AK5: variants seen among roughly 807,000 people sequenced by gnomAD.
The protein encoded by AK5 is adenylate kinase isoenzyme 5.
AK5 carries 27 observed loss-of-function variants against 69.5 expected under a neutral mutation model. The ratio of observed to expected loss-of-function variants is 0.39; its 90% CI spans 0.29 to 0.54. The LOEUF is 0.54. AK5 is among the 20% of genes least tolerant of loss of function. The pLI, the probability that AK5 is intolerant of heterozygous loss-of-function variation, is 0.71. For missense variants in AK5, 531 were observed against 700.4 expected (o/e 0.76, Z 2.73); for synonymous variants, 260 against 244.4 (o/e 1.06, Z -0.60).
intron 6 of AK5, among the ~76,000 whole-genome samples, chr1:77,403,777 C>T (rs568855489): frequency 1.3e-3 from 203 of 152,144 alleles, no homozygotes; most frequent in Non-Finnish European, 2.4e-3. Flanking sequence ...CTTGGCAATG[C>T]GGGCTCTTTT....
intron 6 of AK5, among the ~76,000 whole-genome samples, chr1:77,373,494 A>G (rs937672172): frequency 3.3e-5 from 5 of 152,150 alleles, no homozygotes; most frequent in Non-Finnish European, 7.4e-5. Context: ...TGGAAGGCCG[A>G]GGCGGGTGGA....
chr1:77,409,499 C>CT (rs1270353984), intron 6 of AK5, among the ~76,000 whole-genome samples: 3 of 151,892 alleles, frequency 2.0e-5, no homozygotes, highest in Non-Finnish European at 4.4e-5. Flanking sequence ...TGATATTGAG[C>CT]TTTTTTTTCA....
chr1:77,395,554 A>T (rs761617785), intron 6 of AK5, among the ~76,000 whole-genome samples: 97 of 152,340 alleles, frequency 6.4e-4, no homozygotes, highest in Middle Eastern at 6.8e-3. Context: ...AGAGAAGCAG[A>T]TGTGGCTTGA....
At chr1:77,463,175 A>G (rs1238949692) in intron 8 of AK5, among the ~76,000 whole-genome samples, 2 of 152,050 alleles carry the variant, frequency 1.3e-5, no homozygotes, top group African/African-American at 4.8e-5. Flanking sequence ...AAGCACCCCA[A>G]CTCCTCCCTG....
intron 5 of AK5, among the ~76,000 whole-genome samples, chr1:77,313,390 T>C (rs1258613766): frequency 6.6e-6 from 1 of 152,132 alleles, no homozygotes; most frequent in Non-Finnish European, 1.5e-5. Flanking sequence ...AGGCTGAATG[T>C]GGGCTGCAGA....
chr1:77,355,868 TACACACACACAC>T (rs66682700), intron 6 of AK5, among the ~76,000 whole-genome samples: 336 of 146,248 alleles, frequency 2.3e-3, no homozygotes, highest in South Asian at 5.0e-3. Flanking sequence ...CCTCATTAAA[TACACACACACAC>T]ACACACACAC....
chr1:77,362,643 G>A (rs1646885475), intron 6 of AK5, among the ~76,000 whole-genome samples: 1 of 152,128 alleles, frequency 6.6e-6, no homozygotes, highest in South Asian at 2.1e-4. Context: ...AGGACATGAA[G>A]CATGAATGCA....
At chr1:77,547,592 T>C (rs928863744) in intron 13 of AK5, among the ~76,000 whole-genome samples, 4 of 152,156 alleles carry the variant, frequency 2.6e-5, no homozygotes, top group African/African-American at 9.7e-5. Flanking sequence ...TAATGAAATA[T>C]TTTTACATTT....
chr1:77,464,948 A>T (rs1654050533), intron 8 of AK5, among the ~76,000 whole-genome samples: 1 of 152,234 alleles, frequency 6.6e-6, no homozygotes, highest in African/African-American at 2.4e-5. Flanking sequence ...TTCCAGAATT[A>T]AATTCTGATG....
chr1:77,353,352 C>A (rs1662317908), intron 6 of AK5, among the ~76,000 whole-genome samples: 1 of 152,042 alleles, frequency 6.6e-6, no homozygotes, highest in African/African-American at 2.4e-5. Flanking sequence ...GTGTTCCATG[C>A]CTGTAATCCC....
At chr1:77,412,687 A>G (rs143308136) in intron 7 of AK5, among the ~76,000 whole-genome samples, 1 of 152,214 alleles carries the variant, frequency 6.6e-6, no homozygotes, top group African/African-American at 2.4e-5. Flanking sequence ...CCTCTGCTCT[A>G]TGAATTGTCA....
chr1:77,466,286 C>CCACT (rs889259577), intron 8 of AK5, among the ~76,000 whole-genome samples: 2 of 152,196 alleles, frequency 1.3e-5, no homozygotes, highest in African/African-American at 4.8e-5. Flanking sequence ...AACTCAGAGT[C>CCACT]CACTCCTCAG....
At chr1:77,510,950 A>G (rs1479076964) in intron 10 of AK5, among the ~76,000 whole-genome samples, 1 of 149,978 alleles carries the variant, frequency 6.7e-6, no homozygotes, top group Non-Finnish European at 1.5e-5. Context: ...TATGTATATA[A>G]TTTCCCTGCT....
intron 8 of AK5, among the ~76,000 whole-genome samples, chr1:77,427,770 G>T (rs899999391): frequency 6.6e-6 from 1 of 152,214 alleles, no homozygotes; most frequent in East Asian, 1.9e-4. Flanking sequence ...GAAACTTGAA[G>T]CTTTCCTGCT....
Position 77,318,716 on chromosome 1 carries a change from CT to C in AK5, c.699+20780del, listed in dbSNP as rs113209635. On this transcript the variant is annotated intron_variant, in intron 5 of 13. Coordinates refer to ENST00000354567, the MANE Select transcript of AK5 (RefSeq NM_174858.3). ...CACTGCTTGTCTCTCTTCAGTGGGT[CT>C]TTTTTTTTTTCTGCTTGTCCAGTCT... is the stretch of plus-strand genomic sequence containing the variant. 7.0e-3 allele frequency among the ~76,000 whole-genome samples: 1,028 copies of C among 146,002 alleles called. 10 individuals are homozygous for C. The highest frequency in any genetic ancestry group is 0.022 in the African/African-American group (900 of 40,024).
At chr1:77,313,802 T>C in intron 5 of AK5, 2 of 532,632 alleles carry the variant, frequency 3.8e-6, no homozygotes, top group Non-Finnish European at 7.7e-6. Context: ...CAGTACAGCC[T>C]ACGCCCTCAG....
chr1:77,507,657 AT>A (rs982308974), intron 10 of AK5, among the ~76,000 whole-genome samples: 1 of 152,220 alleles, frequency 6.6e-6, no homozygotes, highest in African/African-American at 2.4e-5. Context: ...GGCAATAAGG[AT>A]TTTTATTAAC....
chr1:77,527,306 G>A (rs1658343527), intron 12 of AK5, among the ~76,000 whole-genome samples: 1 of 152,168 alleles, frequency 6.6e-6, no homozygotes, highest in Non-Finnish European at 1.5e-5. Context: ...CAGTTAGGGT[G>A]AGCTCAGAGC....
At chr1:77,328,873 C>G (rs148505832) in intron 5 of AK5, among the ~76,000 whole-genome samples, 1 of 152,064 alleles carries the variant, frequency 6.6e-6, no homozygotes, top group Non-Finnish European at 1.5e-5. Flanking sequence ...TTATAAAGAA[C>G]GGAAGTGAAT....
Sources: gnomAD v4.1 joint callset for allele counts (sites outside exome capture counted in the v4.1 genomes callset) on GRCh38, gnomAD v4.1.1 for gene constraint, MANE v1.5 for transcripts, NCBI Gene and HGNC (gene_info 2026-07-23, HGNC 2026-07-21) for gene names.